SYNDIG1: variants seen among roughly 807,000 people sequenced by gnomAD.
SYNDIG1 encodes synapse differentiation-inducing gene protein 1.
In SYNDIG1, 9 loss-of-function variants were observed where a neutral mutation model predicts 19.4. That is an observed-to-expected ratio of 0.46 (90% CI 0.28 to 0.81). The LOEUF (loss-of-function observed/expected upper bound fraction) is 0.81. Among genes scored for constraint, SYNDIG1 ranks in the 30% least tolerant of loss-of-function variants. The probability of loss-of-function intolerance (pLI) is 0.12; values close to 1 mark genes in which losing one functional copy is unlikely to be tolerated. For missense variants in SYNDIG1, 311 were observed against 343.3 expected, an observed-to-expected ratio of 0.91 and a Z score of 0.74; for synonymous variants, 141 against 145.9, an observed-to-expected ratio of 0.97 and a Z score of 0.24.
chr20:24,551,031 G>C (rs1271779745), intron 2 of SYNDIG1, among the ~76,000 whole-genome samples: 1 of 152,142 alleles, frequency 6.6e-6, no homozygotes. Context: ...CATAGAATAA[G>C]TTGGGAATTA....
At chr20:24,638,303 A>G (rs1458625022) in intron 3 of SYNDIG1, among the ~76,000 whole-genome samples, 1 of 152,228 alleles carries the variant, frequency 6.6e-6, no homozygotes, top group Non-Finnish European at 1.5e-5. Flanking sequence ...GCATATATAT[A>G]TTAAGAACAG....
chr20:24,471,027 G>A (rs1482852583), intron 1 of SYNDIG1, among the ~76,000 whole-genome samples: 3 of 152,104 alleles, frequency 2.0e-5, no homozygotes, highest in Non-Finnish European at 4.4e-5. Context: ...ATCAGTTGGT[G>A]AGGCGTGCGC....
chr20:24,508,218 ATTTTTTTTTTTTTTTT>A (rs34436263), intron 1 of SYNDIG1, among the ~76,000 whole-genome samples: 2 of 73,208 alleles, frequency 2.7e-5, no homozygotes, highest in Non-Finnish European at 4.5e-5. Flanking sequence ...AAGGAGGATA[ATTTTTTTTTTTTTTTT>A]TTTTTTTTTT....
chr20:24,610,074 C>T (rs768277163), intron 3 of SYNDIG1, among the ~76,000 whole-genome samples: 26 of 152,204 alleles, frequency 1.7e-4, no homozygotes, highest in Admixed American at 1.2e-3. Flanking sequence ...ATAGAAAACA[C>T]GAAGAGCAGG....
chr20:24,499,428 G>A (rs1225524080), intron 1 of SYNDIG1, among the ~76,000 whole-genome samples: 1 of 152,224 alleles, frequency 6.6e-6, no homozygotes, highest in African/African-American at 2.4e-5. Flanking sequence ...CAGTGGCACA[G>A]TTATTTCTGG....
intron 3 of SYNDIG1, among the ~76,000 whole-genome samples, chr20:24,605,135 G>C (rs1208369917): frequency 6.6e-6 from 1 of 152,078 alleles, no homozygotes; most frequent in African/African-American, 2.4e-5. Context: ...TCCCAACCAA[G>C]CAGGAGTGAT....
At chr20:24,536,581 C>A (rs1323885544) in intron 1 of SYNDIG1, among the ~76,000 whole-genome samples, 1 of 152,114 alleles carries the variant, frequency 6.6e-6, no homozygotes, top group Non-Finnish European at 1.5e-5. Flanking sequence ...TCCTAAATAT[C>A]CTCCGGGTTA....
At chr20:24,562,874 A>C (rs2057973014) in intron 2 of SYNDIG1, among the ~76,000 whole-genome samples, 1 of 152,178 alleles carries the variant, frequency 6.6e-6, no homozygotes, top group Non-Finnish European at 1.5e-5. Flanking sequence ...ATTATAATGA[A>C]ATCCAACTTT....
intron 3 of SYNDIG1, among the ~76,000 whole-genome samples, chr20:24,608,321 G>A (rs2058793475): frequency 6.6e-6 from 1 of 152,084 alleles, no homozygotes; most frequent in Admixed American, 6.5e-5. Context: ...TGGGACTACA[G>A]GCACCTGCCA....
chr20:24,508,321 C>T (rs578046112), intron 1 of SYNDIG1, among the ~76,000 whole-genome samples: 4 of 150,156 alleles, frequency 2.7e-5, no homozygotes, highest in East Asian at 2.0e-4. Flanking sequence ...CTCCACCTCC[C>T]GGGTTCAAGT....
At chr20:24,605,259 G>C (rs137877833) in intron 3 of SYNDIG1, among the ~76,000 whole-genome samples, 1 of 152,184 alleles carries the variant, frequency 6.6e-6, no homozygotes, top group Non-Finnish European at 1.5e-5. Flanking sequence ...TGCAATGAGG[G>C]CTACAAGAGC....
At chr20:24,646,433 C>T (rs533343816) in intron 3 of SYNDIG1, among the ~76,000 whole-genome samples, 2 of 152,154 alleles carry the variant, frequency 1.3e-5, no homozygotes, top group Non-Finnish European at 2.9e-5. Flanking sequence ...AGATGAATTC[C>T]GTCCCTTGGG....
intron 1 of SYNDIG1, among the ~76,000 whole-genome samples, chr20:24,524,066 ATATT>A (rs2057063579): frequency 1.3e-5 from 2 of 152,194 alleles, no homozygotes; most frequent in Admixed American, 1.3e-4. Flanking sequence ...ACTCTTGAAA[ATATT>A]TATTGTCATC....
intron 1 of SYNDIG1, among the ~76,000 whole-genome samples, chr20:24,539,567 T>C (rs1261939978): frequency 6.6e-6 from 1 of 152,200 alleles, no homozygotes; most frequent in Non-Finnish European, 1.5e-5. Context: ...CCTGAGCTCC[T>C]TGAGATTCCA....
Position 24,628,525 on chromosome 20 carries a change from C to T in SYNDIG1, c.619-36821C>T, listed in dbSNP as rs532549274. On this transcript the variant is annotated intron_variant, in intron 3 of 3. Coordinates refer to ENST00000376862, the MANE Select transcript of SYNDIG1 (RefSeq NM_024893.3). ...TATTACTGACTGGAGGAAAGCGTGG[C>T]ATGGACCCTGAGCAGAATTTCCACT... Among the ~76,000 whole-genome samples the T allele has an allele frequency of 2.7e-3, 409 of 152,338 alleles. 4 individuals are homozygous for T. The highest frequency in any genetic ancestry group is 0.017 in the Middle Eastern group (5 of 294).
intron 3 of SYNDIG1, among the ~76,000 whole-genome samples, chr20:24,645,644 C>A (rs2059416117): frequency 6.6e-6 from 1 of 152,236 alleles, no homozygotes; most frequent in Non-Finnish European, 1.5e-5. Flanking sequence ...GCAGATGATC[C>A]TGCTGTCCCC....
intron 3 of SYNDIG1, among the ~76,000 whole-genome samples, chr20:24,626,973 G>A (rs1181725776): frequency 3.3e-5 from 5 of 151,052 alleles, no homozygotes; most frequent in South Asian, 2.1e-4. Context: ...GCACTCGGCA[G>A]GCTGAGGCAG....
intron 3 of SYNDIG1, among the ~76,000 whole-genome samples, chr20:24,612,470 T>C (rs1470956526): frequency 6.6e-6 from 1 of 152,198 alleles, no homozygotes. Context: ...TGACGTGGCA[T>C]CCCAAGCCGT....
intron 2 of SYNDIG1, among the ~76,000 whole-genome samples, chr20:24,579,812 T>G (rs2058292767): frequency 1.3e-5 from 2 of 152,198 alleles, no homozygotes; most frequent in Non-Finnish European, 2.9e-5. Context: ...TGGGTGGTGT[T>G]CAGCTTCCCA....
Sources: allele counts gnomAD v4.1 joint callset (sites outside exome capture counted in the v4.1 genomes callset), GRCh38; gene constraint gnomAD v4.1.1; transcripts MANE v1.5; gene names NCBI Gene and HGNC (gene_info 2026-07-23, HGNC 2026-07-21).